Variants in DGKI observed in about 807,000 individuals in gnomAD.
DGKI encodes the protein diacylglycerol kinase iota, also known as DAG kinase iota.
A neutral mutation model predicts 147.5 loss-of-function variants in DGKI; 55 were observed. The ratio of observed to expected loss-of-function variants is 0.37; its 90% CI spans 0.30 to 0.47. The LOEUF (loss-of-function observed/expected upper bound fraction) is 0.47, where lower values mean the gene tolerates loss of function less well. DGKI is among the 20% of genes least tolerant of loss of function. DGKI has a pLI of 1.00. For synonymous variants in DGKI, 469 were observed against 477.1 expected (o/e 0.98, Z 0.22); for missense variants, 1,007 against 1,323.8 (o/e 0.76, Z 3.71).
intron 3 of DGKI, among the ~76,000 whole-genome samples, chr7:137,666,035 T>G (rs1220845981): frequency 6.6e-6 from 1 of 152,242 alleles, no homozygotes; most frequent in Non-Finnish European, 1.5e-5. Flanking sequence ...CCATCGTGTT[T>G]TGAGCACTGG....
intron 1 of DGKI, among the ~76,000 whole-genome samples, chr7:137,755,842 C>CTT (rs1332611581): frequency 6.6e-6 from 1 of 152,124 alleles, no homozygotes; most frequent in East Asian, 1.9e-4. Context: ...TATATAAACT[C>CTT]TAAGTGTTGG....
rs7779815 is a variant in DGKI at position 137,778,949 on chromosome 7, A to G, written c.401+67513T>C. On this transcript the variant is annotated intron_variant, in intron 1 of 32. Transcript: ENST00000614521. ...TACATACAGGTTAATCTTCTAAGTCAATGAAATCCCAATCATAACTCCAGC... is the reference window on the plus strand; with the variant it reads ...TACATACAGGTTAATCTTCTAAGTCGATGAAATCCCAATCATAACTCCAGC... 6.2e-3 allele frequency among the ~76,000 whole-genome samples: 945 copies of G among 152,366 alleles called. 15 individuals carry two copies. Among genetic ancestry groups the G allele is most frequent in the African/African-American group, 0.02 (843 of 41,590 alleles).
At chr7:137,396,284 G>C (rs1811549827) in intron 31 of DGKI, among the ~76,000 whole-genome samples, 1 of 152,206 alleles carries the variant, frequency 6.6e-6, no homozygotes, top group Non-Finnish European at 1.5e-5. Context: ...ATATCTGAGA[G>C]GCACAGTGAG....
At chr7:137,589,121 C>T (rs960228912) in intron 12 of DGKI, among the ~76,000 whole-genome samples, 1 of 152,248 alleles carries the variant, frequency 6.6e-6, no homozygotes, top group African/African-American at 2.4e-5. Flanking sequence ...GATGAAGAAA[C>T]CTTAAACATT....
intron 1 of DGKI, among the ~76,000 whole-genome samples, chr7:137,776,630 G>A (rs745531982): frequency 7.9e-5 from 12 of 152,196 alleles, no homozygotes; most frequent in Admixed American, 3.9e-4. Flanking sequence ...AAGAAGAAAC[G>A]TTCATTTTTC....
chr7:137,773,243 A>G (rs533710107), intron 1 of DGKI, among the ~76,000 whole-genome samples: 15 of 152,376 alleles, frequency 9.8e-5, no homozygotes, highest in African/African-American at 3.6e-4. Flanking sequence ...AAACAAATGC[A>G]TAAAATGGTA....
At chr7:137,442,135 AAACT>A (rs1813533710) in intron 28 of DGKI, among the ~76,000 whole-genome samples, 1 of 152,200 alleles carries the variant, frequency 6.6e-6, no homozygotes. Context: ...TCACAGAAAC[AAACT>A]AAGAGGTATG....
chr7:137,747,806 G>A (rs1795384817), intron 1 of DGKI, among the ~76,000 whole-genome samples: 1 of 152,100 alleles, frequency 6.6e-6, no homozygotes, highest in South Asian at 2.1e-4. Context: ...CAAAGAGTAG[G>A]CAACCTAAAC....
rs547731076 is a variant in DGKI at position 137,743,146 on chromosome 7, C to T, written c.402-53144G>A. Among the ~76,000 whole-genome samples, 359 of 152,288 alleles carry T rather than the reference C, an allele frequency of 2.4e-3. 2 individuals carry two copies. Among genetic ancestry groups the T allele is most frequent in the Middle Eastern group, 3.4e-3 (1 of 294 alleles). ...GATTTATACAACAATTACTTTTAGA[C>T]CTAAGAAAAGACTTTGACAGACACA... On this transcript the variant is annotated intron_variant, in intron 1 of 32. Transcript: ENST00000614521.
intron 3 of DGKI, among the ~76,000 whole-genome samples, chr7:137,669,021 A>G (rs887386030): frequency 2.0e-5 from 3 of 152,214 alleles, no homozygotes; most frequent in Admixed American, 2.0e-4. Flanking sequence ...AAGAAGCAGT[A>G]TAATCCCATT....
intron 18 of DGKI, 102 bp downstream of exon 18, chr7:137,572,663 C>T (rs1300539230): frequency 8.1e-6 from 6 of 741,964 alleles, no homozygotes; most frequent in Non-Finnish European, 1.3e-5. Context: ...ATTTAGATAA[C>T]TGATCTTCAT....
intron 1 of DGKI, among the ~76,000 whole-genome samples, chr7:137,834,661 C>T (rs1389780042): frequency 1.3e-5 from 2 of 152,224 alleles, no homozygotes; most frequent in Admixed American, 1.3e-4. Flanking sequence ...ATGCAGCACA[C>T]TCTTAGAAAA....
intron 17 of DGKI, 62 bp from the exon 18 acceptor site, chr7:137,572,900 G>A: frequency 7.9e-7 from 1 of 1,259,778 alleles, no homozygotes; most frequent in Non-Finnish European, 1.1e-6. Flanking sequence ...ACCTATGAAA[G>A]ATAACTAGTT....
At chr7:137,540,785 A>AAAAAAAAAAAGAAAG (rs1817671432) in intron 20 of DGKI, among the ~76,000 whole-genome samples, 1 of 138,684 alleles carries the variant, frequency 7.2e-6, no homozygotes, top group African/African-American at 2.9e-5. Context: ...AAAAAAAAAA[A>AAAAAAAAAAAGAAAG]AAACATTTAC....
At chr7:137,767,068 T>C (rs1796034806) in intron 1 of DGKI, among the ~76,000 whole-genome samples, 1 of 152,136 alleles carries the variant, frequency 6.6e-6, no homozygotes, top group African/African-American at 2.4e-5. Context: ...CAGAGCCTTA[T>C]TCATGTCTGT....
chr7:137,644,640 C>T (rs553206733), intron 6 of DGKI, among the ~76,000 whole-genome samples: 1 of 152,206 alleles, frequency 6.6e-6, no homozygotes, highest in East Asian at 1.9e-4. Flanking sequence ...GAAGATATTC[C>T]CCCCAAATTA....
At chr7:137,781,143 A>G (rs946802326) in intron 1 of DGKI, among the ~76,000 whole-genome samples, 6 of 152,152 alleles carry the variant, frequency 3.9e-5, no homozygotes, top group Admixed American at 3.3e-4. Flanking sequence ...AGTGTCTTCC[A>G]TGAACAAGGT....
chr7:137,608,933 C>G lies in DGKI; in HGVS notation c.1167+33G>C, dbSNP rs374809070. 5 of 1,526,838 alleles carry G rather than the reference C, an allele frequency of 3.3e-6. No homozygotes were observed. The African/African-American group carries it at 6.9e-5, about 21-fold the overall frequency. 94.6% of individuals were successfully genotyped at this position (1,526,838 alleles called of 1,614,324 possible). ...TTGTGTCGTCAAGAAATTATCAAAA[C>G]TTCTAAGTTGAAAATCATGAAAAAT... is the stretch of plus-strand genomic sequence containing the variant. On this transcript the variant is annotated intron_variant, in intron 10 of 32. Coordinates refer to ENST00000614521, the MANE Select transcript of DGKI (RefSeq NM_001321708.2).
intron 28 of DGKI, among the ~76,000 whole-genome samples, chr7:137,434,334 C>T (rs1360622754): frequency 1.3e-5 from 2 of 152,130 alleles, no homozygotes; most frequent in African/African-American, 4.8e-5. Context: ...AATCCCAGCA[C>T]TTTGGGAGGC....
Sources: allele counts gnomAD v4.1 joint callset (sites outside exome capture counted in the v4.1 genomes callset), GRCh38; gene constraint gnomAD v4.1.1; transcripts MANE v1.5; gene names NCBI Gene and HGNC (gene_info 2026-07-23, HGNC 2026-07-21).